The following KDR variants were observed in gnomAD, a reference collection of about 807,000 sequenced individuals.
KDR encodes the protein kinase insert domain receptor.
Under a neutral mutation model 160.9 loss-of-function variants are expected in KDR, and 43 were observed. The ratio of observed to expected loss-of-function variants is 0.27; its 90% confidence interval spans 0.21 to 0.34. KDR has a LOEUF of 0.34. Among genes scored for constraint, KDR ranks in the 10% least tolerant of loss-of-function variants. The pLI is 1.00. For missense variants in KDR, 1,469 were observed against 1,666.4 expected, an observed-to-expected ratio of 0.88 and a Z score of 2.06; for synonymous variants, 617 against 600.1, an observed-to-expected ratio of 1.03 and a Z score of -0.41.
In KDR at chr4:55,112,578, G is replaced by C. The variant is rs1323306929; in HGVS notation, c.976+726C>G. 2.7e-5 allele frequency among the ~76,000 whole-genome samples: 4 copies of C among 147,798 alleles called. No homozygotes were observed. The South Asian group carries it at 8.6e-4, about 32-fold the overall frequency. On this transcript the variant is annotated intron_variant, in intron 7 of 29. Transcript: ENST00000263923. Reference sequence around the variant, plus strand: ...AGTTTCACTCTTGTTGCCCAGGCTGGGGTACAATGGCACGATCTTGGCTCA... The same window carrying C: ...AGTTTCACTCTTGTTGCCCAGGCTGCGGTACAATGGCACGATCTTGGCTCA...
At chr4:55,125,148 C>G in intron 1 of KDR, 79 bp downstream of exon 1, 1 of 1,298,050 alleles carries the variant, frequency 7.7e-7, no homozygotes, top group Non-Finnish European at 1.1e-6. Context: ...CTCTACGATT[C>G]CGAGTTAGAT....
At chr4:55,114,345 A>G (rs1012121169) in intron 5 of KDR, 80 bp from the exon 6 acceptor site, 2 of 1,451,240 alleles carry the variant, frequency 1.4e-6, no homozygotes, top group Non-Finnish European at 1.9e-6. Flanking sequence ...TTTTTAAAGT[A>G]ATGCAACTTT....
At position 55,117,632 on chromosome 4, in the gene KDR, T is replaced by C. The variant is rs533499366; in HGVS notation, c.358+972A>G. 6.6e-5 allele frequency among the ~76,000 whole-genome samples: 10 copies of C among 152,344 alleles called. No individual in the cohort carries two copies. In the South Asian group the frequency reaches 1.9e-3, roughly 28 times the overall value. Reference sequence around the variant, plus strand: ...GATATGCAAGTGTGTTTCCCAAAGCTGATGAAATTCTTGCCCTGTAAAAGC... The same window carrying C: ...GATATGCAAGTGTGTTTCCCAAAGCCGATGAAATTCTTGCCCTGTAAAAGC... On this transcript the variant is annotated intron_variant, in intron 3 of 29. Transcript: ENST00000263923.
At chr4:55,121,585 G>C (rs1720877257) in intron 1 of KDR, among the ~76,000 whole-genome samples, 1 of 152,186 alleles carries the variant, frequency 6.6e-6, no homozygotes, top group Non-Finnish European at 1.5e-5. Context: ...TGACTAAATT[G>C]CTGATTAACG....
chr4:55,098,416 C>T (rs780303721), intron 16 of KDR, 144 bp from the exon 17 acceptor site: 4 of 1,031,200 alleles, frequency 3.9e-6, no homozygotes, highest in Non-Finnish European at 5.9e-6. Flanking sequence ...CCTATTATAA[C>T]CCTGCTTCTA....
intron 9 of KDR, among the ~76,000 whole-genome samples, chr4:55,109,402 GA>G (rs963809801): frequency 2.1e-4 from 32 of 151,590 alleles, no homozygotes; most frequent in African/African-American, 6.1e-4. Flanking sequence ...AATATTCCCT[GA>G]AAAAAAATAA....
At chr4:55,088,030 G>C (rs922302523) in intron 26 of KDR, among the ~76,000 whole-genome samples, 1 of 152,202 alleles carries the variant, frequency 6.6e-6, no homozygotes, top group Non-Finnish European at 1.5e-5. Context: ...GCTGTGGTCA[G>C]AGAGGTAACA....
At position 55,082,615 on chromosome 4, in the gene KDR, T is replaced by C; in HGVS notation, c.3683A>G (p.Lys1228Arg). Residue 1228 changes from lysine to arginine, a missense_variant, in exon 28 of 30, where the codon AAG (lysine) becomes AGG (arginine). This residue lies in a region of KDR where 229 missense variants were observed against 197.8 expected (regional missense o/e 1.16). Transcript: ENST00000263923. Reference protein sequence around the residue: ...AGISQYLQNSKRKSRPVSVKT... With the variant: ...AGISQYLQNSRRKSRPVSVKT... Reference sequence around the variant, plus strand: ...TACACTCACAGGCCGGCTCTTTCGCTTACTGTTCTGCAGATACTGACTGCA... The same window carrying C: ...TACACTCACAGGCCGGCTCTTTCGCCTACTGTTCTGCAGATACTGACTGCA... The C allele has an allele frequency of 6.2e-7, 1 of 1,613,906 alleles. No individual in the cohort carries two copies.
intron 19 of KDR, 147 bp downstream of exon 19, chr4:55,096,082 A>T (rs1401628332): frequency 1.6e-6 from 1 of 633,592 alleles, no homozygotes; most frequent in Non-Finnish European, 2.8e-6. Context: ...TGCCAATTAA[A>T]CCTCCATGAA....
chr4:55,117,660 C>T (rs1408632382), intron 3 of KDR, among the ~76,000 whole-genome samples: 2 of 152,170 alleles, frequency 1.3e-5, no homozygotes, highest in Non-Finnish European at 2.9e-5. Flanking sequence ...GTAAAAGCTG[C>T]TTCTGGGAAA....
chr4:55,080,685 G>T (rs142977032), intron 29 of KDR, among the ~76,000 whole-genome samples: 6 of 152,148 alleles, frequency 3.9e-5, no homozygotes, highest in African/African-American at 1.4e-4. Flanking sequence ...CATATCAAAC[G>T]CTGCTTTTTA....
In KDR at chr4:55,109,217, G is replaced by A. The variant is rs189280681; in HGVS notation, c.1255+1186C>T. ...CCTGCCTCAGCCTCCCAAGTAGCTGGGATTACAGGTGCCCACCACCATGCC... is the reference window on the plus strand; with the variant it reads ...CCTGCCTCAGCCTCCCAAGTAGCTGAGATTACAGGTGCCCACCACCATGCC... On this transcript the variant is annotated intron_variant, in intron 9 of 29. Transcript: ENST00000263923. Among the ~76,000 whole-genome samples, 405 of 152,072 alleles carry A rather than the reference G, an allele frequency of 2.7e-3. 4 individuals carry two copies. Among genetic ancestry groups the A allele is most frequent in the African/African-American group, 9.1e-3 (376 of 41,468 alleles).
chr4:55,097,342 A>C (rs925925249), intron 18 of KDR, among the ~76,000 whole-genome samples: 1 of 152,160 alleles, frequency 6.6e-6, no homozygotes, highest in African/African-American at 2.4e-5. Flanking sequence ...CAATATATTA[A>C]GAAACAATTT....
intron 22 of KDR, among the ~76,000 whole-genome samples, chr4:55,091,583 T>C (rs923044230): frequency 1.3e-5 from 2 of 152,170 alleles, no homozygotes; most frequent in Admixed American, 1.3e-4. Flanking sequence ...CTCCTTCCCC[T>C]TGGGAGAGAG....
intron 21 of KDR, among the ~76,000 whole-genome samples, chr4:55,094,564 AGCCCACTTGGACTACCCAGATTTCTCAG>A (rs1720102032): frequency 6.6e-6 from 1 of 152,220 alleles, no homozygotes; most frequent in Non-Finnish European, 1.5e-5. Context: ...CCGACTGCTT[AGCCCACTTGGACTACCCAGATTTCTCAG>A]GCTAGCCCTG....
intron 9 of KDR, among the ~76,000 whole-genome samples, chr4:55,108,450 T>A (rs962400251): frequency 4.6e-5 from 7 of 152,150 alleles, no homozygotes; most frequent in African/African-American, 1.7e-4. Context: ...TTTGCATGAA[T>A]TCATTCACTT....
In KDR at chr4:55,097,526, C is replaced by G. The variant is rs543654101; in HGVS notation, c.2614+136G>C. On this transcript the variant is annotated intron_variant, in intron 18 of 29. Transcript: ENST00000263923. ...AGGAGGATCCTTTTTCCAATTTGCACAAGGGCATTATTTAGGCTGACTGCA... is the reference window on the plus strand; with the variant it reads ...AGGAGGATCCTTTTTCCAATTTGCAGAAGGGCATTATTTAGGCTGACTGCA... The G allele has an allele frequency of 9.1e-6, 6 of 656,662 alleles. No individual in the cohort carries two copies. In the East Asian group the frequency reaches 1.7e-4, roughly 18 times the overall value. The allele number at this position is 656,662 out of a possible 1,614,324, so 40.7% of individuals were successfully genotyped here.
At position 55,125,448 on chromosome 4, in the gene KDR, C is replaced by T; in HGVS notation, c.-155G>A. On this transcript the variant is annotated 5_prime_UTR_variant, in exon 1 of 30. Coordinates refer to ENST00000263923, the MANE Select transcript of KDR (RefSeq NM_002253.4). The stretch of plus-strand genomic sequence containing the variant: ...GGCTAGGGAGCCCGGGCGCCGACCG[C>T]GGCTGCAGGGGCGTCTGCGGGTGCC... The T allele has an allele frequency of 1.1e-6, 1 of 893,218 alleles. No individual in the cohort carries two copies. Among genetic ancestry groups the T allele is most frequent in the Non-Finnish European group, 1.7e-6 (1 of 577,008 alleles). 55.3% of individuals were successfully genotyped at this position (893,218 alleles called of 1,614,324 possible).
rs900506879 is a variant in KDR, at chr4:55,080,154, C to T, written c.3858G>A (p.Val1286=). 6.2e-7 allele frequency: 1 copy of T among 1,612,894 alleles called. No homozygotes were observed. The highest frequency in any genetic ancestry group is 2.2e-5 in the East Asian group (1 of 44,880). The stretch of plus-strand genomic sequence containing the variant: ...CCACAGACTCCCTGCTTTTGCTGGG[C>T]ACCATTCCACTGCAGAAGAAATGGC... ...TKLSPSFGGM[V]PSKSRESVAS... is the part of the protein sequence containing the mutation. Residue 1286 remains valine (V), a synonymous_variant, in exon 30 of 30, where the codon GTG becomes GTA. Transcript: ENST00000263923.
Sources: allele counts gnomAD v4.1 joint callset (sites outside exome capture counted in the v4.1 genomes callset), GRCh38; gene constraint gnomAD v4.1.1; regional missense constraint gnomAD v4.1.1; transcripts MANE v1.5; gene names NCBI Gene and HGNC (gene_info 2026-07-23, HGNC 2026-07-21).